GPHN: variants seen among roughly 807,000 people sequenced by gnomAD.
GPHN encodes the protein gephyrin.
GPHN carries 17 observed loss-of-function variants against 95.5 expected under a neutral mutation model. The ratio of observed to expected loss-of-function variants is 0.18; its 90% confidence interval spans 0.12 to 0.27. The LOEUF (loss-of-function observed/expected upper bound fraction) is 0.27, where lower values mean the gene tolerates loss of function less well. GPHN is among the 10% of genes least tolerant of loss of function. GPHN has a pLI of 1.00. For synonymous variants in GPHN, 320 were observed against 322.5 expected, an observed-to-expected ratio of 0.99 and a Z score of 0.08; for missense variants, 660 against 978.1, an observed-to-expected ratio of 0.67 and a Z score of 4.34.
chr14:66,965,447 T>C (rs2069254152), intron 9 of GPHN, 122 bp downstream of exon 9: 1 of 934,432 alleles, frequency 1.1e-6, no homozygotes, highest in Non-Finnish European at 1.7e-6. Flanking sequence ...GAAAAATGAA[T>C]AAAGTGTAAG....
At chr14:67,408,379 A>T in the GPHN span, among the ~76,000 whole-genome samples, 1 of 151,788 alleles carries the variant, frequency 6.6e-6, no homozygotes, top group Non-Finnish European at 1.5e-5. Flanking sequence ...CAAAGATGGG[A>T]TGATACTTGC....
intron 1 of GPHN, among the ~76,000 whole-genome samples, chr14:66,607,589 T>C (rs542894127): frequency 6.6e-6 from 1 of 152,134 alleles, no homozygotes; most frequent in Non-Finnish European, 1.5e-5. Context: ...CCAGTTCTTA[T>C]TTGTATGCCT....
intron 11 of GPHN, 67 bp downstream of exon 11, chr14:67,058,853 T>C: frequency 7.8e-7 from 1 of 1,281,264 alleles, no homozygotes; most frequent in South Asian, 1.2e-5. Flanking sequence ...TCATGTAACA[T>C]TAATGCACAG....
the GPHN span, chr14:67,585,843 C>A: frequency 3.3e-6 from 4 of 1,216,540 alleles, no homozygotes; most frequent in African/African-American, 1.5e-5. Context: ...AAATTATGAC[C>A]ACTTGGGAGT....
chr14:66,534,554 A>G (rs567348324), intron 1 of GPHN, among the ~76,000 whole-genome samples: 1 of 152,184 alleles, frequency 6.6e-6, no homozygotes, highest in African/African-American at 2.4e-5. Context: ...AAAACCTGCT[A>G]TGAATATTCT....
the GPHN span, chr14:67,197,485 C>T: frequency 6.6e-6 from 1 of 152,052 alleles, no homozygotes; most frequent in Non-Finnish European, 1.5e-5. Context: ...GATTTATTTT[C>T]TTCTTTCTCT....
In GPHN at chr14:67,110,246, G is replaced by C. The variant is rs1595179324; in HGVS notation, c.1400G>C (p.Arg467Thr). The change falls in exon 14 of 23, where the codon AGG (arginine) becomes ACG (threonine). Residue 467 changes from arginine (R) to threonine (T), a missense_variant. Arg to Thr is a moderately conservative substitution (Grantham distance 71, BLOSUM62 -1). This residue lies in a region of GPHN where 257 missense variants were observed against 376.2 expected (regional missense o/e 0.68). Transcript: ENST00000478722. ...VVQVEDTELI[R>T]ESDDGTEELE... is the part of the protein sequence containing the mutation. ...CAAGTGGAAGATACCGAACTTATCA[G>C]GGAATCAGATGATGTACGTCATCAC... is the stretch of plus-strand genomic sequence containing the variant. 1 of 1,613,726 alleles carries C rather than the reference G, an allele frequency of 6.2e-7. No individual in the cohort carries two copies. The highest frequency in any genetic ancestry group is 1.1e-5 in the South Asian group (1 of 91,078).
At chr14:67,275,259 T>C in the GPHN span, among the ~76,000 whole-genome samples, 2 of 152,218 alleles carry the variant, frequency 1.3e-5, no homozygotes, top group Non-Finnish European at 2.9e-5. Context: ...TGTGGGTTTG[T>C]CATAAATAGC....
the GPHN span, among the ~76,000 whole-genome samples, chr14:67,440,722 C>T: frequency 0.04 from 5,985 of 150,456 alleles, 358 homozygotes; most frequent in African/African-American, 0.14. Flanking sequence ...ACTGCCTGGG[C>T]GACAAAGTGG....
At chr14:66,687,520 C>T (rs1337830816) in intron 2 of GPHN, among the ~76,000 whole-genome samples, 1 of 130,848 alleles carries the variant, frequency 7.6e-6, no homozygotes, top group Non-Finnish European at 1.6e-5. Flanking sequence ...CGGAGTTTCG[C>T]TCTTGTTGCT....
At chr14:66,847,464 G>C (rs1290971383) in intron 4 of GPHN, among the ~76,000 whole-genome samples, 2 of 151,668 alleles carry the variant, frequency 1.3e-5, no homozygotes. Flanking sequence ...ATTTTATTTT[G>C]AGGAAGCTGA....
the GPHN span, chr14:67,616,216 C>CTTTTTTTT: frequency 1.2e-5 from 2 of 171,838 alleles, no homozygotes; most frequent in African/African-American, 2.6e-5. Flanking sequence ...TGTACACTGT[C>CTTTTTTTT]TTTTTTTTTT....
At position 66,749,358 on chromosome 14, in the gene GPHN, C is replaced by T. The variant is rs146998548; in HGVS notation, c.144-27106C>T. Reference sequence around the variant, plus strand: ...GTTTTCAATTCCTTTGAGTAAATACCATGGATTATGATTGCTGCATCATGT... The same window carrying T: ...GTTTTCAATTCCTTTGAGTAAATACTATGGATTATGATTGCTGCATCATGT... On this transcript the variant is annotated intron_variant, in intron 2 of 22. Transcript: ENST00000478722. Among the ~76,000 whole-genome samples the T allele has an allele frequency of 3.0e-3, 456 of 151,886 alleles. 4 individuals are homozygous for T. Among genetic ancestry groups the T allele is most frequent in the African/African-American group, 0.011 (438 of 41,480 alleles).
intron 3 of GPHN, among the ~76,000 whole-genome samples, chr14:66,786,161 A>G (rs1200064029): frequency 6.6e-6 from 1 of 152,146 alleles, no homozygotes; most frequent in Non-Finnish European, 1.5e-5. Context: ...GCAAAGATAA[A>G]GGAGAAAGGG....
At chr14:67,344,946 CAAG>C in the GPHN span, among the ~76,000 whole-genome samples, 2 of 149,432 alleles carry the variant, frequency 1.3e-5, no homozygotes, top group Middle Eastern at 3.3e-3. Flanking sequence ...ATTTTGTTAA[CAAG>C]AAGAAGCAGG....
At chr14:67,697,533 A>AT in the GPHN span, among the ~76,000 whole-genome samples, 1 of 152,192 alleles carries the variant, frequency 6.6e-6, no homozygotes, top group African/African-American at 2.4e-5. Context: ...TGTCCCAATG[A>AT]TTTATATATA....
At chr14:67,225,323 C>CA in the GPHN span, 2 of 1,220,856 alleles carry the variant, frequency 1.6e-6, no homozygotes, top group Admixed American at 3.5e-5. Flanking sequence ...TACTGTCACA[C>CA]AAAAAAGTTG....
At chr14:66,712,647 T>C (rs1373414669) in intron 2 of GPHN, among the ~76,000 whole-genome samples, 1 of 152,194 alleles carries the variant, frequency 6.6e-6, no homozygotes, top group Non-Finnish European at 1.5e-5. Context: ...TTTAATTAGA[T>C]CCCATTTGTC....
At chr14:66,910,271 A>G in intron 5 of GPHN, among the ~76,000 whole-genome samples, 1 of 152,020 alleles carries the variant, frequency 6.6e-6, no homozygotes, top group East Asian at 1.9e-4. Context: ...TTTATTGTGA[A>G]AAATTTCAAA....
Sources: allele counts gnomAD v4.1 joint callset (sites outside exome capture counted in the v4.1 genomes callset), GRCh38; gene constraint gnomAD v4.1.1; regional missense constraint gnomAD v4.1.1; transcripts MANE v1.5; gene names NCBI Gene and HGNC (gene_info 2026-07-23, HGNC 2026-07-21).